Variants in GLRX observed in about 807,000 individuals in gnomAD.
GLRX encodes glutaredoxin-1.
In GLRX, 9 loss-of-function variants were observed where a neutral mutation model predicts 11.1. The observed-to-expected ratio is 0.81, with a 90% CI of 0.49 to 1.42. GLRX has a LOEUF of 1.42. Among genes scored for constraint, GLRX ranks in the 40% most tolerant of loss-of-function variants. The pLI is 0.00. For synonymous variants in GLRX, 49 were observed against 49.5 expected (o/e 0.99, Z 0.04); for missense variants, 102 against 126.2 (o/e 0.81, Z 0.92).
At chr5:95,816,851 G>A in intron 1 of GLRX, 1 of 379,702 alleles carries the variant, frequency 2.6e-6, no homozygotes, top group Non-Finnish European at 4.9e-6. Flanking sequence ...TGCTATGCAT[G>A]AGCTTGTCCA....
Position 95,822,601 on chromosome 5 carries a change from G to T in GLRX, c.62C>A (p.Pro21His). The T allele has an allele frequency of 6.2e-7, 1 of 1,613,936 alleles. No individual in the cohort carries two copies. Among genetic ancestry groups the T allele is most frequent in the Non-Finnish European group, 8.5e-7 (1 of 1,179,850 alleles). The change falls in exon 1 of 3, where the codon CCC becomes CAC. Residue 21 changes from proline to histidine, a missense_variant. By Grantham distance (77) the Pro-to-His change is moderately conservative (BLOSUM62 -2). Transcript: ENST00000237858. The stretch of plus-strand genomic sequence containing the variant: ...GGCCCTCCTGCAGTACGGGCAGGTG[G>T]GCTTGATGAACACAACCACCTTCCC... Reference protein sequence around the residue: ...QPGKVVVFIKPTCPYCRRAQE... With the variant: ...QPGKVVVFIKHTCPYCRRAQE...
At chr5:95,820,446 G>T (rs1024447475) in intron 1 of GLRX, among the ~76,000 whole-genome samples, 2 of 151,536 alleles carry the variant, frequency 1.3e-5, no homozygotes, top group African/African-American at 4.9e-5. Context: ...GACCAGGTGT[G>T]GTAGCTCACA....
intron 1 of GLRX, among the ~76,000 whole-genome samples, chr5:95,819,842 T>C (rs962548680): frequency 6.1e-5 from 8 of 131,212 alleles, no homozygotes; most frequent in Non-Finnish European, 1.1e-4. Context: ...GAGCTTGCAG[T>C]GAGCTGAGAT....
At chr5:95,816,336 CG>C in intron 2 of GLRX, 170 bp downstream of exon 2, 1 of 547,272 alleles carries the variant, frequency 1.8e-6, no homozygotes, top group Non-Finnish European at 3.3e-6. Context: ...CTCATTGACA[CG>C]ATCTCTTTGT....
intron 2 of GLRX, 146 bp downstream of exon 2, chr5:95,816,361 C>A: frequency 1.7e-6 from 1 of 577,948 alleles, no homozygotes; most frequent in Non-Finnish European, 3.1e-6. Flanking sequence ...GTGTGAAATT[C>A]ATAAGTGATT....
chr5:95,821,187 GGATT>G (rs1747222462), intron 1 of GLRX, among the ~76,000 whole-genome samples: 1 of 152,302 alleles, frequency 6.6e-6, no homozygotes, highest in Non-Finnish European at 1.5e-5. Flanking sequence ...TTGGGCATAA[GGATT>G]GTTTTAAAAG....
intron 2 of GLRX, among the ~76,000 whole-genome samples, chr5:95,816,055 T>C (rs1746982475): frequency 6.6e-6 from 1 of 152,204 alleles, no homozygotes; most frequent in South Asian, 2.1e-4. Context: ...TTCTGCTTCA[T>C]CTCTGCATAG....
At chr5:95,821,989 TTAGA>T (rs1177248990) in intron 1 of GLRX, among the ~76,000 whole-genome samples, 2 of 151,980 alleles carry the variant, frequency 1.3e-5, no homozygotes, top group African/African-American at 4.8e-5. Flanking sequence ...GTGGGAGGAA[TTAGA>T]TAAGGAAGAA....
intron 2 of GLRX, among the ~76,000 whole-genome samples, chr5:95,815,193 A>G (rs1746944745): frequency 6.6e-6 from 1 of 152,244 alleles, no homozygotes. Flanking sequence ...AGTTGGAGAA[A>G]TAACATTTCC....
At chr5:95,818,162 T>C (rs1487719896) in intron 1 of GLRX, 1 of 152,090 alleles carries the variant, frequency 6.6e-6, no homozygotes, top group African/African-American at 2.4e-5. Flanking sequence ...TTGTGCTCAG[T>C]GTCTGGCAAA....
chr5:95,816,537 T>C lies in GLRX; in HGVS notation c.297A>G (p.Leu99=), dbSNP rs752508588. Residue 99 remains leucine (L), a synonymous_variant, in exon 2 of 3, where the codon CTA becomes CTG. Coordinates refer to ENST00000237858, the MANE Select transcript of GLRX (RefSeq NM_001118890.2). The stretch of plus-strand genomic sequence containing the variant: ...GTTACTGCAGAGCTCCAATCTGCTT[T>C]AGCCGCGTCAGCAGTTCCCCACTCT... ...LQQSGELLTR[L]KQIGALQ 1 of 1,599,054 alleles carries C rather than the reference T, an allele frequency of 6.3e-7. No individual in the cohort carries two copies.
Position 95,822,416 on chromosome 5 carries a change from A to G in GLRX, c.207+40T>C, listed in dbSNP as rs374485661. 1,472 of 1,511,860 alleles carry G rather than the reference A, an allele frequency of 9.7e-4. 2 individuals carry two copies. The highest frequency in any genetic ancestry group is 1.3e-3 in the Non-Finnish European group (1,376 of 1,086,694). 93.7% of individuals were successfully genotyped at this position (1,511,860 alleles called of 1,614,324 possible). A position where few individuals can be genotyped will look rare whatever the true frequency, so the allele number is the denominator to read the frequency against. On this transcript the variant is annotated intron_variant, in intron 1 of 2. Coordinates refer to ENST00000237858, the MANE Select transcript of GLRX (RefSeq NM_001118890.2). ...GGCACAGCTCTGACAAGAAAAGGCAATCCGGGAGCCTTTCCCTAGCCGTTT... is the reference window on the plus strand; with the variant it reads ...GGCACAGCTCTGACAAGAAAAGGCAGTCCGGGAGCCTTTCCCTAGCCGTTT...
intron 1 of GLRX, chr5:95,817,460 G>A (rs1028804287): frequency 1.3e-5 from 2 of 152,280 alleles, no homozygotes; most frequent in Non-Finnish European, 2.9e-5. Flanking sequence ...CCAGGGGGGT[G>A]TAGTGGTGTT....
At chr5:95,820,257 G>A (rs894796107) in intron 1 of GLRX, among the ~76,000 whole-genome samples, 3 of 151,298 alleles carry the variant, frequency 2.0e-5, no homozygotes, top group African/African-American at 7.3e-5. Flanking sequence ...AGGCTGAGGT[G>A]GGAGGGTCAC....
intron 1 of GLRX, 22 bp from the exon 2 acceptor site, chr5:95,816,648 GACATTACT>G: frequency 9.1e-7 from 1 of 1,104,328 alleles, no homozygotes; most frequent in Non-Finnish European, 1.4e-6. Flanking sequence ...CACGACCCAG[GACATTACT>G]ACATTACTAG....
In GLRX at chr5:95,822,683, C is replaced by G. The variant is rs757579498; in HGVS notation, c.-21G>C. The G allele has an allele frequency of 4.4e-6, 7 of 1,606,214 alleles. No homozygotes were observed. The African/African-American group carries it at 9.4e-5, about 21-fold the overall frequency. On this transcript the variant is annotated 5_prime_UTR_variant, in exon 1 of 3. Transcript: ENST00000237858. Reference sequence around the variant, plus strand: ...GCCATGCCGATGGGCTGCGGTCTCCCCGGGAAGAATCCTCAGTTGCAGGTA... The same window carrying G: ...GCCATGCCGATGGGCTGCGGTCTCCGCGGGAAGAATCCTCAGTTGCAGGTA...
At chr5:95,818,351 AAAG>A (rs1377603518) in intron 1 of GLRX, 1 of 152,370 alleles carries the variant, frequency 6.6e-6, no homozygotes, top group African/African-American at 2.4e-5. Flanking sequence ...AAAGTTGAGC[AAAG>A]AAGAGGAAAT....
intron 1 of GLRX, among the ~76,000 whole-genome samples, chr5:95,820,960 A>G (rs1232527142): frequency 9.9e-5 from 15 of 152,174 alleles, no homozygotes; most frequent in Non-Finnish European, 1.5e-5. Context: ...TACTAAAAAT[A>G]CAAAAATTAG....
rs764320239 is a variant in GLRX at position 95,819,057 on chromosome 5, G to A, written c.208-2431C>T. On this transcript the variant is annotated intron_variant, in intron 1 of 2. Transcript: ENST00000237858. ...ATGGCTCCATTTAAAACTGGACCCTGATGCTTCCTCCCTACCTTTCCTACT... is the reference window on the plus strand; with the variant it reads ...ATGGCTCCATTTAAAACTGGACCCTAATGCTTCCTCCCTACCTTTCCTACT... The A allele has an allele frequency of 2.6e-4, 39 of 152,210 alleles. 1 individual carries two copies. The highest frequency in any genetic ancestry group is 1.9e-3 in the Admixed American group (29 of 15,274). The allele number at this position is 152,210 out of a possible 1,614,324, so 9.4% of individuals were successfully genotyped here. A position where few individuals can be genotyped will look rare whatever the true frequency, so the allele number is the denominator to read the frequency against.
Sources: gnomAD v4.1 joint callset for allele counts (sites outside exome capture counted in the v4.1 genomes callset) on GRCh38, gnomAD v4.1.1 for gene constraint, MANE v1.5 for transcripts, NCBI Gene and HGNC (gene_info 2026-07-23, HGNC 2026-07-21) for gene names.